Variants in PPP1R12A observed in about 807,000 individuals in gnomAD.
PPP1R12A encodes the protein myosin binding subunit.
Under a neutral mutation model 139.6 loss-of-function variants are expected in PPP1R12A, and 19 were observed. That is an observed-to-expected ratio of 0.14 (90% confidence interval 0.09 to 0.20). PPP1R12A has a LOEUF of 0.20. Ranked by LOEUF, PPP1R12A falls within the 10% of genes least tolerant of loss-of-function variation. The pLI is 1.00. For missense variants in PPP1R12A, 925 were observed against 1,211.5 expected (o/e 0.76, Z 3.51); for synonymous variants, 427 against 420.6 (o/e 1.02, Z -0.19).
chr12:79,843,500 A>G (rs1373404123), intron 3 of PPP1R12A, among the ~76,000 whole-genome samples: 4 of 151,710 alleles, frequency 2.6e-5, no homozygotes, highest in Non-Finnish European at 5.9e-5. Flanking sequence ...AATCACTTGA[A>G]CCCGAGAGGC....
rs759240117 is a variant in PPP1R12A at position 79,808,501 on chromosome 12, A to G, written c.1532T>C (p.Ile511Thr). Residue 511 changes from isoleucine to threonine, a missense_variant, in exon 11 of 25, where the codon ATT (isoleucine) becomes ACT (threonine). This residue lies in a region of PPP1R12A where 403 missense variants were observed against 463.7 expected (regional missense o/e 0.87). Transcript: ENST00000450142. Reference protein sequence around the residue: ...IPRRLASTSDIEEKENRDSSS... With the variant: ...IPRRLASTSDTEEKENRDSSS... Reference sequence around the variant, plus strand: ...AACTCACCTGTTTTCTTTCTCTTCAATGTCAGATGTACTGGCTAGTCGTCT... The same window carrying G: ...AACTCACCTGTTTTCTTTCTCTTCAGTGTCAGATGTACTGGCTAGTCGTCT... 8 of 1,602,708 alleles carry G rather than the reference A, an allele frequency of 5.0e-6. No homozygotes were observed. The highest frequency in any genetic ancestry group is 2.2e-5 in the South Asian group (2 of 90,144).
At chr12:79,913,502 C>G (rs985718012) in intron 1 of PPP1R12A, among the ~76,000 whole-genome samples, 12 of 152,140 alleles carry the variant, frequency 7.9e-5, no homozygotes, top group African/African-American at 2.9e-4. Context: ...CTGTCTGGAT[C>G]TTTTTCCACA....
At chr12:79,894,184 T>C (rs1441633507) in intron 1 of PPP1R12A, among the ~76,000 whole-genome samples, 1 of 152,218 alleles carries the variant, frequency 6.6e-6, no homozygotes, top group Non-Finnish European at 1.5e-5. Context: ...TAGCATATAA[T>C]GTTCTGTTAA....
intron 1 of PPP1R12A, among the ~76,000 whole-genome samples, chr12:79,873,581 G>A (rs1372667030): frequency 3.3e-5 from 5 of 151,308 alleles, no homozygotes; most frequent in Admixed American, 1.3e-4. Context: ...CAGGAGGATC[G>A]CTTGAGTTTG....
chr12:79,813,264 G>A (rs1874837398), intron 9 of PPP1R12A, among the ~76,000 whole-genome samples: 1 of 152,018 alleles, frequency 6.6e-6, no homozygotes, highest in South Asian at 2.1e-4. Flanking sequence ...TGCTCATATT[G>A]TTTTTCTTCT....
intron 2 of PPP1R12A, among the ~76,000 whole-genome samples, chr12:79,852,843 T>A (rs779898931): frequency 1.3e-5 from 2 of 152,160 alleles, no homozygotes; most frequent in Non-Finnish European, 2.9e-5. Context: ...AAAGGCTTTT[T>A]TACTGCTTAG....
chr12:79,775,744 A>C lies in PPP1R12A; in HGVS notation c.*185T>G. ...AAAAAAAAAAACAAAAAACAAACCA[A>C]CAACAACAAAAACACCCCAGAAAAT... On this transcript the variant is annotated 3_prime_UTR_variant, in exon 25 of 25. Coordinates refer to ENST00000450142, the MANE Select transcript of PPP1R12A (RefSeq NM_002480.3). 1 of 416,962 alleles carries C rather than the reference A, an allele frequency of 2.4e-6. No individual in the cohort carries two copies. Among genetic ancestry groups the C allele is most frequent in the Non-Finnish European group, 4.2e-6 (1 of 236,204 alleles). 25.8% of individuals were successfully genotyped at this position (416,962 alleles called of 1,614,324 possible).
rs1165080085 is a variant in PPP1R12A, at chr12:79,820,947, A to C, written c.957-16T>G. On this transcript the variant is annotated splice_polypyrimidine_tract_variant and intron_variant, in intron 7 of 24. Transcript: ENST00000450142. ...CGTCTCTTTGCTGTTAAAGGAAAAC[A>C]GTGTTCAAATGATTAGAAATACAAA... The C allele has an allele frequency of 1.2e-6, 2 of 1,612,202 alleles. No individual in the cohort carries two copies. Among genetic ancestry groups the C allele is most frequent in the Non-Finnish European group, 8.5e-7 (1 of 1,179,042 alleles).
At chr12:79,878,272 TAA>T in intron 1 of PPP1R12A, 1 of 152,264 alleles carries the variant, frequency 6.6e-6, no homozygotes, top group East Asian at 1.9e-4. Context: ...CCTATTCCTT[TAA>T]CTTCTATGTC....
Position 79,875,489 on chromosome 12 carries a change from G to C in PPP1R12A, c.238-2551C>G, listed in dbSNP as rs545198395. Among the ~76,000 whole-genome samples the C allele has an allele frequency of 1.0e-3, 152 of 152,218 alleles. 3 individuals are homozygous for C. The highest frequency in any genetic ancestry group is 3.6e-3 in the African/African-American group (148 of 41,514). On this transcript the variant is annotated intron_variant, in intron 1 of 24. Coordinates refer to ENST00000450142, the MANE Select transcript of PPP1R12A (RefSeq NM_002480.3). ...CTAATGTGGGTAAAACCCAGTAAAT[G>C]AACTAATTAGCTCCTATTTCCTATC...
intron 1 of PPP1R12A, among the ~76,000 whole-genome samples, chr12:79,902,332 G>A (rs570614497): frequency 4.6e-5 from 7 of 152,088 alleles, no homozygotes; most frequent in African/African-American, 1.7e-4. Flanking sequence ...CCTTTCATTA[G>A]TACTGCGTTT....
At chr12:79,817,215 A>T (rs1376251670) in intron 9 of PPP1R12A, among the ~76,000 whole-genome samples, 179 bp downstream of exon 9, 1 of 152,224 alleles carries the variant, frequency 6.6e-6, no homozygotes, top group African/African-American at 2.4e-5. Context: ...CAAAAAGGAT[A>T]AAAAAACATG....
At chr12:79,822,069 AATT>A (rs1876185786) in intron 6 of PPP1R12A, 44 bp downstream of exon 6, 13 of 1,311,094 alleles carry the variant, frequency 9.9e-6, no homozygotes, top group Non-Finnish European at 1.3e-5. Flanking sequence ...TCAAATTCAA[AATT>A]ATTAAGGTAA....
chr12:79,812,076 CTACTAT>C (rs1874608383), intron 9 of PPP1R12A, among the ~76,000 whole-genome samples: 2 of 152,088 alleles, frequency 1.3e-5, no homozygotes, highest in African/African-American at 4.8e-5. Context: ...CAATGAAATA[CTACTAT>C]TACTGTTATT....
At position 79,809,967 on chromosome 12, in the gene PPP1R12A, C is replaced by G. The variant is rs1490896075; in HGVS notation, c.1283G>C (p.Arg428Thr). Residue 428 changes from arginine to threonine, a missense_variant, in exon 10 of 25, where the codon AGA (arginine) becomes ACA (threonine). Coordinates refer to ENST00000450142, the MANE Select transcript of PPP1R12A (RefSeq NM_002480.3). ...ATKISPKEEERKDESPATWRL... is the reference protein window; with the variant it reads ...ATKISPKEEETKDESPATWRL... ...CCAAGTTGCAGGAGACTCATCTTTT[C>G]TCTCTTCTTCTTTGGGAGAAATTTT... 6.2e-7 allele frequency: 1 copy of G among 1,613,230 alleles called. No individual in the cohort carries two copies. The highest frequency in any genetic ancestry group is 2.2e-5 in the East Asian group (1 of 44,832).
intron 11 of PPP1R12A, 76 bp from the exon 12 acceptor site, chr12:79,807,406 T>C (rs1478049456): frequency 2.3e-6 from 2 of 883,910 alleles, no homozygotes; most frequent in Non-Finnish European, 3.5e-6. Context: ...CTAGTAAATA[T>C]TAGTATAAGC....
Position 79,882,995 on chromosome 12 carries a change from G to A in PPP1R12A, c.238-10057C>T, listed in dbSNP as rs895392689. On this transcript the variant is annotated intron_variant, in intron 1 of 24. Coordinates refer to ENST00000450142, the MANE Select transcript of PPP1R12A (RefSeq NM_002480.3). Reference sequence around the variant, plus strand: ...CTACTAAAAATACAAAAATGAGTTGGGTGTGGTGGCACGCACCTATAATCC... The same window carrying A: ...CTACTAAAAATACAAAAATGAGTTGAGTGTGGTGGCACGCACCTATAATCC... Among the ~76,000 whole-genome samples the A allele has an allele frequency of 3.3e-5, 5 of 152,106 alleles. No individual in the cohort carries two copies. In the East Asian group the frequency reaches 5.8e-4, roughly 18 times the overall value.
chr12:79,790,798 G>C (rs963557673), intron 19 of PPP1R12A, among the ~76,000 whole-genome samples: 3 of 152,020 alleles, frequency 2.0e-5, no homozygotes, highest in Non-Finnish European at 4.4e-5. Flanking sequence ...TCTTACTGGG[G>C]GCCAAAGTAG....
chr12:79,896,723 T>G (rs530509858), intron 1 of PPP1R12A, among the ~76,000 whole-genome samples: 1 of 152,324 alleles, frequency 6.6e-6, no homozygotes, highest in East Asian at 1.9e-4. Flanking sequence ...CCCCACTTAT[T>G]GCAAAGATGA....
Sources: allele counts gnomAD v4.1 joint callset (sites outside exome capture counted in the v4.1 genomes callset), GRCh38; gene constraint gnomAD v4.1.1; regional missense constraint gnomAD v4.1.1; transcripts MANE v1.5; gene names NCBI Gene and HGNC (gene_info 2026-07-23, HGNC 2026-07-21).